The following TASP1 variants were observed in gnomAD, a reference collection of about 807,000 sequenced individuals.
TASP1 encodes taspase 1.
TASP1 carries 16 observed loss-of-function variants against 56.6 expected under a neutral mutation model. That is an observed-to-expected ratio of 0.28 (90% CI 0.19 to 0.43). TASP1 has a LOEUF of 0.43. TASP1 is among the 20% of genes least tolerant of loss of function. The probability of loss-of-function intolerance (pLI) is 1.00; values close to 1 mark genes in which losing one functional copy is unlikely to be tolerated. For synonymous variants in TASP1, 179 were observed against 184.2 expected (o/e 0.97, Z 0.23); for missense variants, 393 against 511.6 (o/e 0.77, Z 2.24).
intron 7 of TASP1, among the ~76,000 whole-genome samples, chr20:13,560,677 G>A (rs187099280): frequency 6.6e-6 from 1 of 152,204 alleles, no homozygotes; most frequent in East Asian, 1.9e-4. Context: ...GAAAGAGGTG[G>A]GGAAAGAAAA....
intron 11 of TASP1, among the ~76,000 whole-genome samples, chr20:13,468,937 T>C (rs1424021741): frequency 6.6e-6 from 1 of 151,490 alleles, no homozygotes; most frequent in Non-Finnish European, 1.5e-5. Context: ...TTCATAAACA[T>C]CTTTTAAAAC....
At chr20:13,279,697 A>G in the TASP1 span, 3 of 1,613,984 alleles carry the variant, frequency 1.9e-6, no homozygotes, top group Non-Finnish European at 2.5e-6. Context: ...TCCGGAGAAT[A>G]AGCCCAGCTG....
intron 4 of TASP1, among the ~76,000 whole-genome samples, chr20:13,618,157 C>A (rs1018304121): frequency 6.6e-6 from 1 of 152,102 alleles, no homozygotes; most frequent in Non-Finnish European, 1.5e-5. Flanking sequence ...CACCTGTCAT[C>A]CCAGCACTTT....
At chr20:13,518,141 G>C (rs1458316125) in intron 10 of TASP1, among the ~76,000 whole-genome samples, 2 of 152,020 alleles carry the variant, frequency 1.3e-5, no homozygotes, top group Admixed American at 6.6e-5. Flanking sequence ...TCCAGTGGCA[G>C]CTCCTCAGCA....
rs372511547 is a variant in TASP1 at position 13,396,512 on chromosome 20, T to G, written c.1171-6060A>C. On this transcript the variant is annotated intron_variant, in intron 13 of 13. Coordinates refer to ENST00000337743, the MANE Select transcript of TASP1 (RefSeq NM_017714.3). ...ATATTGGACAACGGAAAATGAAGAC[T>G]GGGTTAGATGGTCTCTAGAGCATCC... Among the ~76,000 whole-genome samples, 10 of 152,342 alleles carry G rather than the reference T, an allele frequency of 6.6e-5. No individual in the cohort carries two copies. In the East Asian group the frequency reaches 1.9e-3, roughly 29 times the overall value.
chr20:13,202,154 T>C, the TASP1 span, among the ~76,000 whole-genome samples: 38 of 152,300 alleles, frequency 2.5e-4, no homozygotes, highest in African/African-American at 8.9e-4. Flanking sequence ...CAACCAGCTT[T>C]GCAGGGAGAA....
chr20:13,424,920 TATC>T (rs1175946789), intron 12 of TASP1, among the ~76,000 whole-genome samples: 1 of 150,792 alleles, frequency 6.6e-6, no homozygotes, highest in Non-Finnish European at 1.5e-5. Context: ...CTTCTTAACA[TATC>T]ATGTCATACA....
At chr20:13,147,537 A>G in the TASP1 span, among the ~76,000 whole-genome samples, 1 of 152,148 alleles carries the variant, frequency 6.6e-6, no homozygotes, top group African/African-American at 2.4e-5. Context: ...AAGCCAGGGG[A>G]AAAAGTCCAG....
At chr20:13,225,824 G>A in the TASP1 span, among the ~76,000 whole-genome samples, 92 of 152,192 alleles carry the variant, frequency 6.0e-4, 1 homozygote, top group East Asian at 3.9e-4. Context: ...CAGATACTCA[G>A]ATTAGTTCTT....
the TASP1 span, among the ~76,000 whole-genome samples, chr20:13,123,388 G>A: frequency 6.6e-6 from 1 of 151,474 alleles, no homozygotes; most frequent in African/African-American, 2.4e-5. Context: ...TGTACCAGAT[G>A]CTTTTCTAAG....
At chr20:13,278,903 C>T in the TASP1 span, among the ~76,000 whole-genome samples, 2 of 152,330 alleles carry the variant, frequency 1.3e-5, no homozygotes, top group Non-Finnish European at 2.9e-5. Flanking sequence ...GGTCTCTACA[C>T]ATGTAGTGGT....
the TASP1 span, among the ~76,000 whole-genome samples, chr20:13,203,525 A>G: frequency 6.6e-6 from 1 of 152,222 alleles, no homozygotes; most frequent in Non-Finnish European, 1.5e-5. Context: ...AGTGCACTTG[A>G]AATTATGGTC....
the TASP1 span, among the ~76,000 whole-genome samples, chr20:13,187,630 C>T: frequency 6.6e-6 from 1 of 150,532 alleles, no homozygotes; most frequent in African/African-American, 2.4e-5. Flanking sequence ...CACCTGTAGT[C>T]CCAGCTACTC....
intron 1 of TASP1, among the ~76,000 whole-genome samples, chr20:13,635,546 C>T (rs886780905): frequency 6.6e-6 from 1 of 152,062 alleles, no homozygotes; most frequent in South Asian, 2.1e-4. Context: ...CACCCCCATG[C>T]CTGGCTAATT....
chr20:13,521,216 C>T (rs1219616343), intron 10 of TASP1, among the ~76,000 whole-genome samples: 8 of 152,006 alleles, frequency 5.3e-5, no homozygotes, highest in African/African-American at 1.5e-4. Context: ...GTCAGTGTGG[C>T]GATTCCTCAG....
the TASP1 span, among the ~76,000 whole-genome samples, chr20:13,383,640 T>C: frequency 6.6e-6 from 1 of 152,164 alleles, no homozygotes; most frequent in Non-Finnish European, 1.5e-5. Context: ...TTTTGGCATG[T>C]GGTGTGGAAA....
the TASP1 span, among the ~76,000 whole-genome samples, chr20:13,211,999 T>C: frequency 2.0e-5 from 3 of 152,170 alleles, no homozygotes; most frequent in Non-Finnish European, 4.4e-5. Flanking sequence ...CCTATGACAC[T>C]ACGATCTTCA....
chr20:13,382,450 C>T, the TASP1 span, among the ~76,000 whole-genome samples: 2 of 152,006 alleles, frequency 1.3e-5, no homozygotes, highest in African/African-American at 4.8e-5. Flanking sequence ...AGTTCAAGAC[C>T]AAGCTGGGCA....
rs149003000 is a variant in TASP1, at chr20:13,472,023, T to C, written c.985+11204A>G. Among the ~76,000 whole-genome samples the C allele has an allele frequency of 1.5e-3, 227 of 152,090 alleles. 1 individual carries two copies. In the East Asian group the frequency reaches 0.041, roughly 28 times the overall value. ...GTTCATATGGAACCAAAAAAGAGCC[T>C]GCATTGCCAAGACAATCCTAAGCAA... is the stretch of plus-strand genomic sequence containing the variant. On this transcript the variant is annotated intron_variant, in intron 11 of 13. Coordinates refer to ENST00000337743, the MANE Select transcript of TASP1 (RefSeq NM_017714.3).
Sources: gnomAD v4.1 joint callset for allele counts (sites outside exome capture counted in the v4.1 genomes callset) on GRCh38, gnomAD v4.1.1 for gene constraint, MANE v1.5 for transcripts, NCBI Gene and HGNC (gene_info 2026-07-23, HGNC 2026-07-21) for gene names.